Variants in TBC1D19 observed in about 807,000 individuals in gnomAD.
The protein encoded by TBC1D19 is TBC1 domain family, member 19.
Under a neutral mutation model 89.0 loss-of-function variants are expected in TBC1D19, and 60 were observed. That is an observed-to-expected ratio of 0.67 (90% CI 0.55 to 0.84). The LOEUF is 0.84. Among genes scored for constraint, TBC1D19 ranks in the 40% least tolerant of loss-of-function variants. TBC1D19 has a pLI of 0.00. For synonymous variants in TBC1D19, 189 were observed against 199.7 expected, an observed-to-expected ratio of 0.95 and a Z score of 0.45; for missense variants, 500 against 610.8, an observed-to-expected ratio of 0.82 and a Z score of 1.91.
At chr4:26,767,865 A>G in the TBC1D19 span, among the ~76,000 whole-genome samples, 2 of 152,172 alleles carry the variant, frequency 1.3e-5, no homozygotes, top group Non-Finnish European at 2.9e-5. Context: ...ATCAAGCACT[A>G]AGGACAGTGA....
At chr4:26,694,818 C>G (rs2109183031) in intron 13 of TBC1D19, among the ~76,000 whole-genome samples, 1 of 152,314 alleles carries the variant, frequency 6.6e-6, no homozygotes, top group Admixed American at 6.5e-5. Flanking sequence ...TCCAACAGAC[C>G]TGCAGCTGAG....
At chr4:26,843,043 C>T in the TBC1D19 span, among the ~76,000 whole-genome samples, 95 of 152,254 alleles carry the variant, frequency 6.2e-4, 1 homozygote, top group African/African-American at 1.7e-3. Context: ...ATGCATGATA[C>T]GTTTCTACAG....
intron 8 of TBC1D19, among the ~76,000 whole-genome samples, chr4:26,661,164 G>A (rs1184847865): frequency 6.6e-6 from 1 of 152,112 alleles, no homozygotes; most frequent in Non-Finnish European, 1.5e-5. Flanking sequence ...AAGACCAGAG[G>A]TGTATTCACT....
At chr4:26,816,303 C>G in the TBC1D19 span, among the ~76,000 whole-genome samples, 20 of 152,150 alleles carry the variant, frequency 1.3e-4, no homozygotes, top group Non-Finnish European at 1.5e-4. Flanking sequence ...ATTTGCCTGT[C>G]TCCTCCACAA....
intron 14 of TBC1D19, 116 bp from the exon 15 acceptor site, chr4:26,719,965 A>T (rs1169819204): frequency 4.4e-6 from 3 of 687,890 alleles, no homozygotes; most frequent in African/African-American, 3.8e-5. Flanking sequence ...ATGAAATGAC[A>T]TATCAGTTTA....
chr4:26,852,454 G>T, the TBC1D19 span, among the ~76,000 whole-genome samples: 1 of 152,252 alleles, frequency 6.6e-6, no homozygotes, highest in Admixed American at 6.5e-5. Context: ...CTACTTAGGA[G>T]GCTAAGATGG....
intron 15 of TBC1D19, among the ~76,000 whole-genome samples, chr4:26,734,141 T>C (rs960046515): frequency 6.6e-6 from 1 of 152,198 alleles, no homozygotes; most frequent in African/African-American, 2.4e-5. Context: ...AGTAGAAATT[T>C]CAGGGAGCCA....
chr4:26,834,504 T>G, the TBC1D19 span, among the ~76,000 whole-genome samples: 1 of 152,046 alleles, frequency 6.6e-6, no homozygotes, highest in African/African-American at 2.4e-5. Context: ...GAATTTTAAA[T>G]TGGGCATAAA....
rs556770728 is a variant in TBC1D19, at chr4:26,734,977, CAT to C, written c.1085-475_1085-474del. Among the ~76,000 whole-genome samples, 602 of 149,712 alleles carry C rather than the reference CAT, an allele frequency of 4.0e-3. 9 individuals carry two copies. The highest frequency in any genetic ancestry group is 0.014 in the African/African-American group (563 of 40,728). On this transcript the variant is annotated intron_variant, in intron 15 of 20. Coordinates refer to ENST00000264866, the MANE Select transcript of TBC1D19 (RefSeq NM_018317.4). Reference sequence around the variant, plus strand: ...ATATGTATATGTATATATGTATACACATATGTATATGTATATATGTATACACA... The same window carrying C: ...ATATGTATATGTATATATGTATACACATGTATATGTATATATGTATACACA...
At chr4:26,809,066 G>A in the TBC1D19 span, among the ~76,000 whole-genome samples, 2 of 152,188 alleles carry the variant, frequency 1.3e-5, no homozygotes, top group Non-Finnish European at 2.9e-5. Flanking sequence ...AAATGGTAAG[G>A]TGCTCACAAA....
At chr4:26,593,341 A>T (rs1314964813) in intron 1 of TBC1D19, among the ~76,000 whole-genome samples, 1 of 152,242 alleles carries the variant, frequency 6.6e-6, no homozygotes, top group East Asian at 1.9e-4. Context: ...AATTAATTCA[A>T]GATGGATTAA....
chr4:26,681,788 T>C (rs1288139573), intron 11 of TBC1D19, among the ~76,000 whole-genome samples: 1 of 152,150 alleles, frequency 6.6e-6, no homozygotes, highest in Non-Finnish European at 1.5e-5. Flanking sequence ...ATGTGTATTG[T>C]TTAACAAGAA....
Position 26,636,828 on chromosome 4 carries a change from A to T in TBC1D19, c.295-383A>T, listed in dbSNP as rs1565303. 5.7e-3 allele frequency among the ~76,000 whole-genome samples: 862 copies of T among 151,926 alleles called. 8 individuals carry two copies. The highest frequency in any genetic ancestry group is 0.02 in the African/African-American group (824 of 41,472). The stretch of plus-strand genomic sequence containing the variant: ...TCTGTACATTTTTACCTTTTACTAG[A>T]TCATTAATGAGATTCCTAAGTATTA... On this transcript the variant is annotated intron_variant, in intron 4 of 20. Coordinates refer to ENST00000264866, the MANE Select transcript of TBC1D19 (RefSeq NM_018317.4).
intron 15 of TBC1D19, among the ~76,000 whole-genome samples, chr4:26,721,410 G>A (rs1168519953): frequency 6.6e-6 from 1 of 151,180 alleles, no homozygotes; most frequent in East Asian, 1.9e-4. Context: ...AATAAGTCGC[G>A]AGGACCTTCC....
intron 4 of TBC1D19, among the ~76,000 whole-genome samples, chr4:26,635,821 A>G (rs1486299236): frequency 7.2e-5 from 11 of 152,026 alleles, no homozygotes; most frequent in Admixed American, 7.2e-4. Flanking sequence ...TTAATGGAGG[A>G]AGGGATATTT....
the TBC1D19 span, among the ~76,000 whole-genome samples, chr4:26,790,515 C>T: frequency 6.6e-6 from 1 of 151,998 alleles, no homozygotes; most frequent in African/African-American, 2.4e-5. Flanking sequence ...TGAGCTATAA[C>T]CATGATTGAT....
chr4:26,849,349 A>T, the TBC1D19 span, among the ~76,000 whole-genome samples: 3 of 152,322 alleles, frequency 2.0e-5, no homozygotes, highest in South Asian at 6.2e-4. Flanking sequence ...GTTTCACTTT[A>T]TGTATTTAAA....
chr4:26,792,609 C>A, the TBC1D19 span, among the ~76,000 whole-genome samples: 2 of 152,196 alleles, frequency 1.3e-5, no homozygotes, highest in African/African-American at 4.8e-5. Context: ...AAGCAACCTG[C>A]GTAAGCATAC....
chr4:26,713,031 T>C (rs1193400226), intron 13 of TBC1D19, among the ~76,000 whole-genome samples: 1 of 152,038 alleles, frequency 6.6e-6, no homozygotes, highest in African/African-American at 2.4e-5. Flanking sequence ...ACCACAGTGG[T>C]ATGTGAAAGT....
Sources: gnomAD v4.1 joint callset for allele counts (sites outside exome capture counted in the v4.1 genomes callset) on GRCh38, gnomAD v4.1.1 for gene constraint, MANE v1.5 for transcripts, NCBI Gene and HGNC (gene_info 2026-07-23, HGNC 2026-07-21) for gene names.